Variants in SIRT2 observed in about 807,000 individuals in gnomAD.
The protein encoded by SIRT2 is NAD-dependent protein deacetylase sirtuin-2.
Under a neutral mutation model 57.4 loss-of-function variants are expected in SIRT2, and 40 were observed. The ratio of observed to expected loss-of-function variants is 0.70; its 90% CI spans 0.54 to 0.91. SIRT2 has a LOEUF of 0.91. Ranked by LOEUF, SIRT2 falls within the 40% of genes least tolerant of loss-of-function variation. The pLI, the probability that SIRT2 is intolerant of heterozygous loss-of-function variation, is 0.00. For synonymous variants in SIRT2, 161 were observed against 195.7 expected, an observed-to-expected ratio of 0.82 and a Z score of 1.48; for missense variants, 439 against 510.4, an observed-to-expected ratio of 0.86 and a Z score of 1.35.
At chr19:38,896,239 G>A (rs1170341050) in intron 2 of SIRT2, among the ~76,000 whole-genome samples, 5 of 152,116 alleles carry the variant, frequency 3.3e-5, no homozygotes, top group African/African-American at 1.2e-4. Flanking sequence ...CCCTTATAAA[G>A]ATAACCACTG....
In SIRT2 at chr19:38,899,513, C is replaced by T. The variant is rs2144714856; in HGVS notation, c.9G>A (p.Glu3=). 2 of 1,613,684 alleles carry T rather than the reference C, an allele frequency of 1.2e-6. No homozygotes were observed. The highest frequency in any genetic ancestry group is 2.2e-5 in the East Asian group (1 of 44,878). MA[E]PDPSHPLETQ... ...CCCGGATCCCCGACTCACGGTCTGG[C>T]TCTGCCATGGGCGCGGTGCTGAAGC... The change falls in exon 1 of 16, where the codon GAG becomes GAA. Residue 3 remains glutamate, a synonymous_variant. Coordinates refer to ENST00000249396, the MANE Select transcript of SIRT2 (RefSeq NM_012237.4).
At chr19:38,895,558 G>C (rs1221163095) in intron 2 of SIRT2, among the ~76,000 whole-genome samples, 1 of 152,196 alleles carries the variant, frequency 6.6e-6, no homozygotes, top group Non-Finnish European at 1.5e-5. Context: ...CCCTTCCCCG[G>C]ATACTCACTG....
chr19:38,893,523 G>T lies in SIRT2; in HGVS notation c.117C>A (p.Asp39Glu). 6.2e-7 allele frequency: 1 copy of T among 1,608,430 alleles called. No individual in the cohort carries two copies. ...GGAAGGEADM[D>E]FLRNLFSQTL... ...TCTGGGAGAATAAGTTCCGCAGGAA[G>T]TCCACTGACCGGAAAGAAGAGAGAC... The change falls in exon 4 of 16, where the codon GAC (aspartate) becomes GAA (glutamate). Residue 39 changes from aspartate to glutamate, a missense_variant. Physicochemically the swap from Asp to Glu is conservative, Grantham distance 45 (BLOSUM62 2). Coordinates refer to ENST00000249396, the MANE Select transcript of SIRT2 (RefSeq NM_012237.4).
chr19:38,885,907 A>G (rs993441070), intron 8 of SIRT2, among the ~76,000 whole-genome samples: 1 of 152,166 alleles, frequency 6.6e-6, no homozygotes. Context: ...CTTTTAAGAC[A>G]GTGAGACTTT....
At chr19:38,885,392 A>G (rs890445745) in intron 8 of SIRT2, among the ~76,000 whole-genome samples, 1 of 150,680 alleles carries the variant, frequency 6.6e-6, no homozygotes, top group Non-Finnish European at 1.5e-5. Context: ...GGCGTGAGAC[A>G]CCATGCCCAG....
At chr19:38,893,356 G>A (rs2144697255) in intron 4 of SIRT2, 58 bp downstream of exon 4, 2 of 1,012,502 alleles carry the variant, frequency 2.0e-6, no homozygotes, top group South Asian at 1.3e-5. Flanking sequence ...GCTGGGGATG[G>A]GAGGTCACTT....
In SIRT2 at chr19:38,889,540, G is replaced by A; in HGVS notation, c.432+149C>T. ...CAAGGTCGTAAGATGAAGACACGAG[G>A]AACCAGGACTTGAACCGAGGCAGTC... is the stretch of plus-strand genomic sequence containing the variant. On this transcript the variant is annotated intron_variant, in intron 7 of 15. Transcript: ENST00000249396. The A allele has an allele frequency of 7.2e-6, 6 of 833,654 alleles. No individual in the cohort carries two copies. In the South Asian group the frequency reaches 8.2e-5, roughly 11 times the overall value. The allele number at this position is 833,654 out of a possible 1,614,324, so 51.6% of individuals were successfully genotyped here.
chr19:38,893,978 A>T, intron 2 of SIRT2, 111 bp from the exon 3 acceptor site: 1 of 1,569,030 alleles, frequency 6.4e-7, no homozygotes, highest in Non-Finnish European at 8.6e-7. Flanking sequence ...TGGCCTGAGG[A>T]AGTGCGGGGT....
At chr19:38,889,551 T>C in intron 7 of SIRT2, 138 bp downstream of exon 7, 1 of 956,634 alleles carries the variant, frequency 1.0e-6, no homozygotes, top group Non-Finnish European at 1.6e-6. Context: ...AACCAGGACT[T>C]GAACCGAGGC....
chr19:38,895,314 C>A (rs1722675790), intron 2 of SIRT2, among the ~76,000 whole-genome samples: 1 of 152,148 alleles, frequency 6.6e-6, no homozygotes, highest in Non-Finnish European at 1.5e-5. Context: ...CTTCAAAGGC[C>A]CTTCTCTCTG....
intron 9 of SIRT2, 69 bp from the exon 10 acceptor site, chr19:38,881,560 AC>A: frequency 1.6e-6 from 2 of 1,246,588 alleles, no homozygotes; most frequent in Non-Finnish European, 2.3e-6. Flanking sequence ...GAGGTGCAGC[AC>A]CCCCACCCCT....
chr19:38,898,144 G>A (rs1973787238), intron 2 of SIRT2, among the ~76,000 whole-genome samples: 1 of 152,264 alleles, frequency 6.6e-6, no homozygotes, highest in South Asian at 2.1e-4. Context: ...ATGGCAGGCA[G>A]TGGCAAGGAA....
At chr19:38,881,905 C>T (rs1973166888) in intron 9 of SIRT2, among the ~76,000 whole-genome samples, 1 of 151,852 alleles carries the variant, frequency 6.6e-6, no homozygotes, top group South Asian at 2.1e-4. Context: ...CCAGGCTGGT[C>T]TCAAACTCCT....
rs1353179194 is a variant in SIRT2 at position 38,879,314 on chromosome 19, C to T, written c.1015-4G>A. On this transcript the variant is annotated splice_polypyrimidine_tract_variant and splice_region_variant and intron_variant, in intron 15 of 15. Coordinates refer to ENST00000249396, the MANE Select transcript of SIRT2 (RefSeq NM_012237.4). Reference sequence around the variant, plus strand: ...GGACAAGGTCCTCCAGCTCCTTCTGCAGGAGCAAAGGTCACAGAAGTCAAA... The same window carrying T: ...GGACAAGGTCCTCCAGCTCCTTCTGTAGGAGCAAAGGTCACAGAAGTCAAA... The T allele has an allele frequency of 6.2e-7, 1 of 1,613,446 alleles. No individual in the cohort carries two copies. Among genetic ancestry groups the T allele is most frequent in the Non-Finnish European group, 8.5e-7 (1 of 1,179,886 alleles).
chr19:38,889,937 G>C lies in SIRT2; in HGVS notation c.293C>G (p.Ser98Cys), dbSNP rs1227795348. The C allele has an allele frequency of 6.2e-7, 1 of 1,614,180 alleles. No individual in the cohort carries two copies. Among genetic ancestry groups the C allele is most frequent in the Non-Finnish European group, 8.5e-7 (1 of 1,180,016 alleles). ...GTTGTCATAGAGGCCGGTGGATGGAGAGCGAAAGTCGGGGATGCCTGCGGC... is the reference window on the plus strand; with the variant it reads ...GTTGTCATAGAGGCCGGTGGATGGACAGCGAAAGTCGGGGATGCCTGCGGC... ...STSAGIPDFRSPSTGLYDNLE... is the reference protein window; with the variant it reads ...STSAGIPDFRCPSTGLYDNLE... Residue 98 changes from serine (S) to cysteine (C), a missense_variant, in exon 6 of 16, where the codon TCT becomes TGT. Physicochemically the swap from Ser to Cys is moderately radical, Grantham distance 112 (BLOSUM62 -1). Coordinates refer to ENST00000249396, the MANE Select transcript of SIRT2 (RefSeq NM_012237.4).
chr19:38,893,622 C>A (rs763955700), intron 3 of SIRT2, 95 bp from the exon 4 acceptor site: 6 of 1,183,050 alleles, frequency 5.1e-6, no homozygotes, highest in Admixed American at 2.0e-5. Flanking sequence ...GGTTCCCGGC[C>A]TCCCCACATC....
At chr19:38,883,858 TG>T (rs1468978999) in intron 8 of SIRT2, 102 bp from the exon 9 acceptor site, 2 of 1,264,314 alleles carry the variant, frequency 1.6e-6, no homozygotes, top group Non-Finnish European at 2.2e-6. Context: ...AGTGAGGTGG[TG>T]GGGACAGGTG....
intron 8 of SIRT2, among the ~76,000 whole-genome samples, chr19:38,885,919 C>T (rs1386363944): frequency 6.6e-6 from 1 of 152,044 alleles, no homozygotes; most frequent in Non-Finnish European, 1.5e-5. Flanking sequence ...TGAGACTTTC[C>T]ATATTAAACA....
At chr19:38,891,731 G>A (rs570722943) in intron 4 of SIRT2, 77 of 380,890 alleles carry the variant, frequency 2.0e-4, no homozygotes, top group Admixed American at 3.1e-4. Flanking sequence ...CACCACTCCC[G>A]GCCTCAACTA....
Sources: gnomAD v4.1 joint callset for allele counts (sites outside exome capture counted in the v4.1 genomes callset) on GRCh38, gnomAD v4.1.1 for gene constraint, MANE v1.5 for transcripts, NCBI Gene and HGNC (gene_info 2026-07-23, HGNC 2026-07-21) for gene names.